The following KCTD18 variants were observed in gnomAD, a reference collection of about 807,000 sequenced individuals.
KCTD18 encodes the protein potassium channel tetramerization domain containing 18.
Under a neutral mutation model 30.4 loss-of-function variants are expected in KCTD18, and 22 were observed. That is an observed-to-expected ratio of 0.72 (90% CI 0.52 to 1.03). The LOEUF is 1.03. Ranked by LOEUF, KCTD18 falls within the 50% of genes least tolerant of loss-of-function variation. The pLI, the probability that KCTD18 is intolerant of heterozygous loss-of-function variation, is 0.00. For missense variants in KCTD18, 529 were observed against 547.6 expected, an observed-to-expected ratio of 0.97 and a Z score of 0.34; for synonymous variants, 186 against 209.0, an observed-to-expected ratio of 0.89 and a Z score of 0.95.
Position 200,509,876 on chromosome 2 carries a change from C to T in KCTD18, c.-324G>A, listed in dbSNP as rs1236998908. 1 of 151,364 alleles carries T rather than the reference C, an allele frequency of 6.6e-6. No individual in the cohort carries two copies. The highest frequency in any genetic ancestry group is 1.5e-5 in the Non-Finnish European group (1 of 67,774). The allele number at this position is 151,364 out of a possible 1,614,324, so 9.4% of individuals were successfully genotyped here. A position where few individuals can be genotyped will look rare whatever the true frequency, so the allele number is the denominator to read the frequency against. On this transcript the variant is annotated 5_prime_UTR_variant, in exon 1 of 7. Coordinates refer to ENST00000359878, the MANE Select transcript of KCTD18 (RefSeq NM_152387.4). ...CGGCCCGAAGCCCGAGCCTGCAGCCCGGGGCGCGCGCGTTACCAGCGCGGC... is the reference window on the plus strand; with the variant it reads ...CGGCCCGAAGCCCGAGCCTGCAGCCTGGGGCGCGCGCGTTACCAGCGCGGC...
At chr2:200,491,006 T>C (rs899786186) in intron 6 of KCTD18, among the ~76,000 whole-genome samples, 6 of 152,138 alleles carry the variant, frequency 3.9e-5, no homozygotes, top group African/African-American at 1.4e-4. Context: ...AAAAAAAGAT[T>C]TCACAATCAA....
At chr2:200,491,260 A>G (rs926309298) in intron 6 of KCTD18, among the ~76,000 whole-genome samples, 1 of 152,152 alleles carries the variant, frequency 6.6e-6, no homozygotes, top group Middle Eastern at 3.2e-3. Context: ...ACCGTGTGAC[A>G]TATCTGCTTC....
chr2:200,503,316 T>G (rs1045071048), intron 3 of KCTD18, among the ~76,000 whole-genome samples: 2 of 152,192 alleles, frequency 1.3e-5, no homozygotes, highest in Non-Finnish European at 2.9e-5. Flanking sequence ...GCTATCTAAC[T>G]CCTATATTGG....
Position 200,504,813 on chromosome 2 carries a change from G to A in KCTD18, c.307C>T (p.Leu103=). The change falls in exon 3 of 7, where the codon CTG becomes TTG. Residue 103 remains leucine, a synonymous_variant. Coordinates refer to ENST00000359878, the MANE Select transcript of KCTD18 (RefSeq NM_152387.4). ...DYFGIPYPYS[L]SDHLANEMET... is the part of the protein sequence containing the mutation. ...ATTTCATTGGCCAAATGGTCAGACA[G>A]GCTGTATGGATAAGGGATGCCAAAG... The A allele has an allele frequency of 2.5e-6, 4 of 1,614,144 alleles. No individual in the cohort carries two copies. Among genetic ancestry groups the A allele is most frequent in the Non-Finnish European group, 3.4e-6 (4 of 1,180,020 alleles).
chr2:200,506,640 T>C (rs1345531161), intron 2 of KCTD18, among the ~76,000 whole-genome samples: 1 of 152,266 alleles, frequency 6.6e-6, no homozygotes, highest in African/African-American at 2.4e-5. Context: ...CCAGCCTTTA[T>C]GAACTCTTAC....
intron 3 of KCTD18, among the ~76,000 whole-genome samples, chr2:200,500,885 T>C (rs899539720): frequency 1.3e-5 from 2 of 152,140 alleles, no homozygotes; most frequent in Admixed American, 6.5e-5. Context: ...CTTCAAACTA[T>C]ACTACAAGGC....
chr2:200,490,387 T>C lies in KCTD18; in HGVS notation c.994A>G (p.Thr332Ala). Residue 332 changes from threonine (T) to alanine (A), a missense_variant, in exon 7 of 7, where the codon ACG (threonine) becomes GCG (alanine). Transcript: ENST00000359878. Reference protein sequence around the residue: ...AAQRSAPSRATALVGTGAPGH... With the variant: ...AAQRSAPSRAAALVGTGAPGH... ...GGTGCCCCCGTGCCCACCAGGGCCG[T>C]GGCTCTGGAAGGTGCAGAGCGCTGA... 1 of 1,614,212 alleles carries C rather than the reference T, an allele frequency of 6.2e-7. No homozygotes were observed. Among genetic ancestry groups the C allele is most frequent in the Non-Finnish European group, 8.5e-7 (1 of 1,180,028 alleles).
chr2:200,507,034 G>C lies in KCTD18; in HGVS notation c.-18C>G. ...CCTTCCATTTCTCCCCCAGGCACCT[G>C]AATTTTTGCCGCCCAACACTTTCAG... On this transcript the variant is annotated 5_prime_UTR_variant, in exon 2 of 7. Coordinates refer to ENST00000359878, the MANE Select transcript of KCTD18 (RefSeq NM_152387.4). The C allele has an allele frequency of 6.3e-7, 1 of 1,591,090 alleles. No individual in the cohort carries two copies. Among genetic ancestry groups the C allele is most frequent in the Non-Finnish European group, 8.6e-7 (1 of 1,165,488 alleles).
intron 1 of KCTD18, among the ~76,000 whole-genome samples, chr2:200,508,470 C>A (rs75392734): frequency 1.1e-3 from 162 of 152,308 alleles, no homozygotes; most frequent in African/African-American, 3.8e-3. Flanking sequence ...TGTTTTCCCA[C>A]CTAAAACAAT....
At chr2:200,499,448 T>G (rs1331165328) in intron 3 of KCTD18, among the ~76,000 whole-genome samples, 1 of 152,188 alleles carries the variant, frequency 6.6e-6, no homozygotes, top group African/African-American at 2.4e-5. Flanking sequence ...CTTTTAATTT[T>G]GAAATCCAAT....
In KCTD18 at chr2:200,498,956, A is replaced by T. The variant is rs1431435572; in HGVS notation, c.501T>A (p.Thr167=). The T allele has an allele frequency of 6.2e-7, 1 of 1,613,998 alleles. No homozygotes were observed. The highest frequency in any genetic ancestry group is 1.3e-5 in the African/African-American group (1 of 74,916). ...GCTTTTCAATAGCGTCTGTTCCATC[A>T]GTTTTTGTGGCATATACACCAATAA... ...SRIIGVYATK[T]DGTDAIEKQL... Residue 167 remains threonine, a synonymous_variant, in exon 4 of 7, where the codon ACT becomes ACA. Transcript: ENST00000359878.
Position 200,489,961 on chromosome 2 carries a change from C to CGT in KCTD18, c.*138_*139insAC. ...AAAGTCTCCCCTCCTCCATTCCTAG[C>CGT]TCACACAATTCCAGGAACAGAATCC... is the stretch of plus-strand genomic sequence containing the variant. On this transcript the variant is annotated 3_prime_UTR_variant, in exon 7 of 7. Transcript: ENST00000359878. The CGT allele has an allele frequency of 1.1e-6, 1 of 890,844 alleles. No homozygotes were observed. The highest frequency in any genetic ancestry group is 1.6e-6 in the Non-Finnish European group (1 of 613,202). The allele number at this position is 890,844 out of a possible 1,614,324, so 55.2% of individuals were successfully genotyped here.
intron 3 of KCTD18, among the ~76,000 whole-genome samples, chr2:200,502,789 G>T (rs2106283130): frequency 6.6e-6 from 1 of 152,202 alleles, no homozygotes; most frequent in East Asian, 1.9e-4. Flanking sequence ...CCAGCACTTT[G>T]GGAGGCCGAG....
At chr2:200,496,474 A>G (rs1403969863) in intron 5 of KCTD18, 1 of 152,606 alleles carries the variant, frequency 6.6e-6, no homozygotes, top group Non-Finnish European at 1.5e-5. Context: ...CACCTGAAGG[A>G]AGAACAGCTG....
intron 4 of KCTD18, among the ~76,000 whole-genome samples, chr2:200,498,570 C>T (rs1053941798): frequency 6.6e-6 from 1 of 152,158 alleles, no homozygotes; most frequent in Non-Finnish European, 1.5e-5. Context: ...TAGGAAGACA[C>T]CAGGCATGTG....
Position 200,506,911 on chromosome 2 carries a change from A to T in KCTD18, c.106T>A (p.Ser36Thr). Residue 36 changes from serine (S) to threonine (T), a missense_variant, in exon 2 of 7, where the codon TCC becomes ACC. Physicochemically the swap from Ser to Thr is moderately conservative, Grantham distance 58 (BLOSUM62 1). Coordinates refer to ENST00000359878, the MANE Select transcript of KCTD18 (RefSeq NM_152387.4). ...CCACTGAACATAGATGCCAACATGGAGTCCTTGAAGCGGCACAAGGACTCC... is the reference window on the plus strand; with the variant it reads ...CCACTGAACATAGATGCCAACATGGTGTCCTTGAAGCGGCACAAGGACTCC... Reference protein sequence around the residue: ...RRESLCRFKDSMLASMFSGRF... With the variant: ...RRESLCRFKDTMLASMFSGRF... 1 of 1,613,948 alleles carries T rather than the reference A, an allele frequency of 6.2e-7. No individual in the cohort carries two copies. The highest frequency in any genetic ancestry group is 8.5e-7 in the Non-Finnish European group (1 of 1,179,988).
chr2:200,496,849 C>G (rs2088004723), intron 5 of KCTD18: 1 of 152,478 alleles, frequency 6.6e-6, no homozygotes, highest in South Asian at 2.1e-4. Context: ...GTCACCCAGG[C>G]TGGAGTGCAG....
At chr2:200,504,549 A>C (rs1334794096) in intron 3 of KCTD18, among the ~76,000 whole-genome samples, 199 bp downstream of exon 3, 1 of 152,162 alleles carries the variant, frequency 6.6e-6, no homozygotes, top group Non-Finnish European at 1.5e-5. Context: ...ATATAAACTC[A>C]ATCAACCTTT....
chr2:200,508,126 G>A (rs1480498994), intron 1 of KCTD18, among the ~76,000 whole-genome samples: 3 of 152,106 alleles, frequency 2.0e-5, no homozygotes, highest in African/African-American at 4.8e-5. Context: ...TTTTTGAGAT[G>A]GAGTCTCGCT....
Sources: gnomAD v4.1 joint callset for allele counts (sites outside exome capture counted in the v4.1 genomes callset) on GRCh38, gnomAD v4.1.1 for gene constraint, MANE v1.5 for transcripts, NCBI Gene and HGNC (gene_info 2026-07-23, HGNC 2026-07-21) for gene names.